Variants in KHDRBS3 observed in about 807,000 individuals in gnomAD.
The protein encoded by KHDRBS3 is KH domain-containing, RNA-binding, signal transduction-associated protein 3.
Under a neutral mutation model 45.6 loss-of-function variants are expected in KHDRBS3, and 23 were observed. The ratio of observed to expected loss-of-function variants is 0.50; its 90% confidence interval spans 0.36 to 0.72. The LOEUF is 0.72. Among genes scored for constraint, KHDRBS3 ranks in the 30% least tolerant of loss-of-function variants. KHDRBS3 has a pLI of 0.00. For synonymous variants in KHDRBS3, 162 were observed against 156.5 expected (o/e 1.04, Z -0.26); for missense variants, 352 against 424.8 (o/e 0.83, Z 1.51).
chr8:135,649,372 A>G (rs1015995570), downstream of KHDRBS3, among the ~76,000 whole-genome samples: 1 of 152,214 alleles, frequency 6.6e-6, no homozygotes, highest in Non-Finnish European at 1.5e-5. Flanking sequence ...AATTAAGATA[A>G]TATCATCAGA....
chr8:135,580,458 T>G (rs1197884095), intron 5 of KHDRBS3, among the ~76,000 whole-genome samples: 1 of 152,218 alleles, frequency 6.6e-6, no homozygotes, highest in Non-Finnish European at 1.5e-5. Flanking sequence ...TTTAATTCTC[T>G]TTGTGTTGGT....
intron 6 of KHDRBS3, among the ~76,000 whole-genome samples, chr8:135,592,492 C>T (rs1452396488): frequency 6.6e-6 from 1 of 152,088 alleles, no homozygotes; most frequent in African/African-American, 2.4e-5. Flanking sequence ...CTGGATTATT[C>T]CTTTGTTATA....
chr8:135,531,442 C>A (rs1044528550), intron 2 of KHDRBS3, among the ~76,000 whole-genome samples: 2 of 151,558 alleles, frequency 1.3e-5, no homozygotes, highest in African/African-American at 4.8e-5. Flanking sequence ...TCAATAAAAA[C>A]CTTATTGAAT....
downstream of KHDRBS3, among the ~76,000 whole-genome samples, chr8:135,650,191 C>T (rs1831400632): frequency 6.6e-6 from 1 of 152,172 alleles, no homozygotes; most frequent in Non-Finnish European, 1.5e-5. Context: ...AGACATGGAA[C>T]CCGGTATTCA....
At chr8:135,562,676 G>T (rs1238301350) in intron 5 of KHDRBS3, among the ~76,000 whole-genome samples, 1 of 152,200 alleles carries the variant, frequency 6.6e-6, no homozygotes, top group Non-Finnish European at 1.5e-5. Flanking sequence ...CAAGGGTAAG[G>T]TCAGTACACA....
chr8:135,557,178 A>G (rs1229639076), intron 4 of KHDRBS3, among the ~76,000 whole-genome samples: 1 of 152,210 alleles, frequency 6.6e-6, no homozygotes, highest in Non-Finnish European at 1.5e-5. Context: ...TAATTTTATT[A>G]TAAATGTCTC....
intron 7 of KHDRBS3, among the ~76,000 whole-genome samples, chr8:135,617,177 G>T (rs150961309): frequency 2.0e-3 from 298 of 152,132 alleles, no homozygotes; most frequent in Non-Finnish European, 2.9e-3. Context: ...ATTTGCTGTA[G>T]TAGCCTGTAG....
intron 7 of KHDRBS3, among the ~76,000 whole-genome samples, chr8:135,626,250 C>T (rs760981542): frequency 7.2e-5 from 11 of 152,132 alleles, no homozygotes; most frequent in Non-Finnish European, 1.5e-4. Context: ...TTTAAGCTGA[C>T]AGAGAATAAA....
At chr8:135,599,320 C>T (rs1276536411) in intron 6 of KHDRBS3, among the ~76,000 whole-genome samples, 1 of 152,198 alleles carries the variant, frequency 6.6e-6, no homozygotes, top group Non-Finnish European at 1.5e-5. Context: ...ACTAATTTCT[C>T]ATCCATGTTT....
intron 7 of KHDRBS3, among the ~76,000 whole-genome samples, chr8:135,630,705 A>G (rs1018168148): frequency 3.9e-5 from 6 of 152,138 alleles, no homozygotes; most frequent in African/African-American, 7.2e-5. Flanking sequence ...ACTGTGGGCA[A>G]TGGTAACGGT....
chr8:135,463,744 G>T (rs552747997), intron 1 of KHDRBS3, among the ~76,000 whole-genome samples: 2 of 152,286 alleles, frequency 1.3e-5, no homozygotes, highest in South Asian at 4.1e-4. Flanking sequence ...CCAGAGGAGC[G>T]ATTGAAACCG....
At chr8:135,641,332 C>A (rs1470076986) in intron 7 of KHDRBS3, among the ~76,000 whole-genome samples, 4 of 152,188 alleles carry the variant, frequency 2.6e-5, no homozygotes, top group African/African-American at 9.7e-5. Context: ...CTGTCATTTA[C>A]AGTTCCAAGT....
chr8:135,466,716 T>C (rs559910591), intron 1 of KHDRBS3, among the ~76,000 whole-genome samples: 101 of 152,380 alleles, frequency 6.6e-4, no homozygotes, highest in Non-Finnish European at 1.3e-3. Flanking sequence ...GTACTAGCTA[T>C]AAAATGTGGG....
At chr8:135,521,613 C>T (rs1236688406) in intron 2 of KHDRBS3, among the ~76,000 whole-genome samples, 2 of 152,148 alleles carry the variant, frequency 1.3e-5, no homozygotes, top group Non-Finnish European at 2.9e-5. Flanking sequence ...AACTTCTTTC[C>T]ACTTCAGTTT....
At chr8:135,568,508 T>TA (rs1393192779) in intron 5 of KHDRBS3, among the ~76,000 whole-genome samples, 1 of 152,158 alleles carries the variant, frequency 6.6e-6, no homozygotes, top group African/African-American at 2.4e-5. Flanking sequence ...GTGATGGGAC[T>TA]AAAATGACAA....
chr8:135,470,575 CTTT>C (rs397962210), intron 1 of KHDRBS3, among the ~76,000 whole-genome samples: 1 of 141,888 alleles, frequency 7.0e-6, no homozygotes, highest in Admixed American at 7.1e-5. Context: ...GGTTTTGCTG[CTTT>C]TTTTTTTTTT....
chr8:135,601,998 T>C (rs1221635097), intron 6 of KHDRBS3, among the ~76,000 whole-genome samples: 1 of 152,164 alleles, frequency 6.6e-6, no homozygotes, highest in African/African-American at 2.4e-5. Context: ...GATCACCCAG[T>C]CCTCAGATAA....
chr8:135,614,317 T>C (rs1344521693), intron 7 of KHDRBS3, among the ~76,000 whole-genome samples: 8 of 151,864 alleles, frequency 5.3e-5, no homozygotes, highest in Admixed American at 3.9e-4. Context: ...CTCAGAGCCC[T>C]TCCTCTGCCC....
intron 1 of KHDRBS3, among the ~76,000 whole-genome samples, chr8:135,471,431 G>A (rs1286707769): frequency 1.3e-5 from 2 of 152,200 alleles, no homozygotes; most frequent in African/African-American, 4.8e-5. Context: ...AGGATCACAT[G>A]CTTAGGCTGG....
Sources: gnomAD v4.1 joint callset for allele counts (sites outside exome capture counted in the v4.1 genomes callset) on GRCh38, gnomAD v4.1.1 for gene constraint, MANE v1.5 for transcripts, NCBI Gene and HGNC (gene_info 2026-07-23, HGNC 2026-07-21) for gene names.